UBA2: variants seen among roughly 807,000 people sequenced by gnomAD.
The protein encoded by UBA2 is ubiquitin like modifier activating enzyme 2, also known as SUMO-activating enzyme subunit 2.
In UBA2, 11 loss-of-function variants were observed where a neutral mutation model predicts 77.2. The ratio of observed to expected loss-of-function variants is 0.14; its 90% CI spans 0.09 to 0.24. UBA2 has a LOEUF of 0.24. Among genes scored for constraint, UBA2 ranks in the 10% least tolerant of loss-of-function variants. The pLI, the probability that UBA2 is intolerant of heterozygous loss-of-function variation, is 1.00. For synonymous variants in UBA2, 278 were observed against 276.7 expected (o/e 1.00, Z -0.05); for missense variants, 487 against 781.7 (o/e 0.62, Z 4.50).
At chr19:34,468,817 A>G (rs997823511) in intron 16 of UBA2, among the ~76,000 whole-genome samples, 2 of 152,248 alleles carry the variant, frequency 1.3e-5, no homozygotes, top group African/African-American at 4.8e-5. Flanking sequence ...TTTGAGTTAC[A>G]TAATGCTTGT....
intron 1 of UBA2, among the ~76,000 whole-genome samples, chr19:34,429,794 C>G (rs1312615775): frequency 1.3e-5 from 2 of 151,976 alleles, no homozygotes; most frequent in African/African-American, 2.4e-5. Context: ...TGTGTTTGCA[C>G]CACTGCACTC....
chr19:34,443,165 C>T (rs2075389184), intron 6 of UBA2, among the ~76,000 whole-genome samples: 1 of 152,152 alleles, frequency 6.6e-6, no homozygotes, highest in South Asian at 2.1e-4. Context: ...GACTCTGCAC[C>T]TGAGGTATAT....
intron 8 of UBA2, among the ~76,000 whole-genome samples, chr19:34,448,472 C>T (rs148658442): frequency 1.1e-3 from 163 of 152,078 alleles, no homozygotes; most frequent in African/African-American, 3.7e-3. Context: ...CCTGAGCCTG[C>T]GGTCCCCAGC....
chr19:34,449,019 C>G (rs2075462509), intron 8 of UBA2, among the ~76,000 whole-genome samples: 2 of 150,842 alleles, frequency 1.3e-5, no homozygotes, highest in South Asian at 4.2e-4. Flanking sequence ...TCACATGTTG[C>G]TGTCATAAGG....
chr19:34,439,994 A>G (rs1336398108), intron 6 of UBA2, among the ~76,000 whole-genome samples: 1 of 152,160 alleles, frequency 6.6e-6, no homozygotes, highest in Non-Finnish European at 1.5e-5. Context: ...GGTAGTACAT[A>G]AAAAATTTAA....
In UBA2 at chr19:34,464,064, A is replaced by G. The variant is rs996247766; in HGVS notation, c.1537A>G (p.Asn513Asp). Residue 513 changes from asparagine (N) to aspartate (D), a missense_variant, in exon 15 of 17, where the codon AAT becomes GAT. Transcript: ENST00000246548. The part of the protein sequence containing the change: ...HKKLSEFGIR[N>D]GSRLQADDFL... ...GAAGTTGTCAGAATTTGGAATTAGAAATGGCAGCCGGCTTCAAGCAGATGA... is the reference window on the plus strand; with the variant it reads ...GAAGTTGTCAGAATTTGGAATTAGAGATGGCAGCCGGCTTCAAGCAGATGA... 2 of 1,613,940 alleles carry G rather than the reference A, an allele frequency of 1.2e-6. No individual in the cohort carries two copies. The highest frequency in any genetic ancestry group is 1.7e-5 in the Admixed American group (1 of 60,002).
chr19:34,470,649 T>G lies in UBA2; in HGVS notation c.*1428T>G, dbSNP rs999203959. The G allele has an allele frequency of 6.6e-6, 1 of 152,170 alleles. No individual in the cohort carries two copies. Among genetic ancestry groups the G allele is most frequent in the African/African-American group, 2.4e-5 (1 of 41,382 alleles). The allele number at this position is 152,170 out of a possible 1,614,324, so 9.4% of individuals were successfully genotyped here. ...GCGATTCTCCTGTCTCAGCCTCCCC[T>G]GTAGCTGGGATTACAGGCGCCCTCC... On this transcript the variant is annotated 3_prime_UTR_variant, in exon 17 of 17. Coordinates refer to ENST00000246548, the MANE Select transcript of UBA2 (RefSeq NM_005499.3).
chr19:34,431,579 G>C (rs556854927), intron 2 of UBA2, among the ~76,000 whole-genome samples: 1 of 152,186 alleles, frequency 6.6e-6, no homozygotes, highest in East Asian at 1.9e-4. Flanking sequence ...AATGACACTT[G>C]GTTACTTCAT....
chr19:34,430,460 C>G (rs532901592), intron 1 of UBA2, 116 bp from the exon 2 acceptor site: 6 of 608,480 alleles, frequency 9.9e-6, no homozygotes. Context: ...TCGAAAAACG[C>G]TTTCTCCACT....
Position 34,456,550 on chromosome 19 carries a change from A to G in UBA2, c.1245+1994A>G, listed in dbSNP as rs201971195. Among the ~76,000 whole-genome samples, 5 of 151,884 alleles carry G rather than the reference A, an allele frequency of 3.3e-5. No individual in the cohort carries two copies. In the East Asian group the frequency reaches 7.8e-4, roughly 24 times the overall value. ...TATGTTATATTTTTAATTTCTAAGA[A>G]CTTTATTTTTTGGTATCTTTTTTTT... is the stretch of plus-strand genomic sequence containing the variant. On this transcript the variant is annotated intron_variant, in intron 12 of 16. Transcript: ENST00000246548.
At chr19:34,468,995 C>G (rs1408184328) in intron 16 of UBA2, 45 bp from the exon 17 acceptor site, 2 of 1,525,832 alleles carry the variant, frequency 1.3e-6, no homozygotes, top group South Asian at 1.3e-5. Flanking sequence ...ACAGGTAACT[C>G]CCACGCTTTT....
At chr19:34,436,432 T>C (rs1310547526) in intron 5 of UBA2, among the ~76,000 whole-genome samples, 1 of 152,088 alleles carries the variant, frequency 6.6e-6, no homozygotes, top group Non-Finnish European at 1.5e-5. Flanking sequence ...CCCGAGTAGC[T>C]GGGATTACAG....
chr19:34,457,179 A>AATATATATATATATATAT (rs766043321), intron 12 of UBA2, among the ~76,000 whole-genome samples: 4 of 53,218 alleles, frequency 7.5e-5, no homozygotes, highest in African/African-American at 1.2e-4. Context: ...AAAAAAAAAA[A>AATATATATATATATATAT]ATATATATAT....
In UBA2 at chr19:34,450,346, G is replaced by A; in HGVS notation, c.853G>A (p.Ala285Thr). Residue 285 changes from alanine (A) to threonine (T), a missense_variant, in exon 9 of 17, where the codon GCT becomes ACT. Ala to Thr is a moderately conservative substitution (Grantham distance 58). This residue lies in a region of UBA2 where 300 missense variants were observed against 454.3 expected (regional missense o/e 0.66). Coordinates refer to ENST00000246548, the MANE Select transcript of UBA2 (RefSeq NM_005499.3). The stretch of plus-strand genomic sequence containing the variant: ...GAAACCTCCAGTTCCGTTGGACTGG[G>A]CTGAAGTACAAAGTCAAGGTAAAGA... ...KRKPPVPLDW[A>T]EVQSQGEETN... The A allele has an allele frequency of 6.2e-7, 1 of 1,604,094 alleles. No individual in the cohort carries two copies. Among genetic ancestry groups the A allele is most frequent in the South Asian group, 1.1e-5 (1 of 88,936 alleles).
At chr19:34,428,720 GC>G (rs976889228) in intron 1 of UBA2, 150 bp downstream of exon 1, 206 of 1,141,274 alleles carry the variant, frequency 1.8e-4, no homozygotes, top group East Asian at 1.3e-3. Context: ...CTCGGGTTGT[GC>G]CCCCCCCGCG....
rs766043321 is a variant in UBA2 at position 34,457,179 on chromosome 19, A to AATAT, written c.1246-1558_1246-1555dup. ...CCTGGTCTCTACTAAAAAAAAAAAA[A>AATAT]ATATATATATATATATATATATATA... On this transcript the variant is annotated intron_variant, in intron 12 of 16. Transcript: ENST00000246548. 3.0e-3 allele frequency among the ~76,000 whole-genome samples: 158 copies of AATAT among 53,214 alleles called. 6 individuals are homozygous for AATAT. The highest frequency in any genetic ancestry group is 0.011 in the African/African-American group (92 of 8,518). 34.9% of individuals were successfully genotyped at this position (53,214 alleles called of 152,430 possible). A position where few individuals can be genotyped will look rare whatever the true frequency, so the allele number is the denominator to read the frequency against.
intron 4 of UBA2, 98 bp from the exon 5 acceptor site, chr19:34,434,770 A>C (rs951372502): frequency 2.3e-6 from 2 of 884,890 alleles, no homozygotes; most frequent in Non-Finnish European, 1.8e-6. Context: ...TTGTACAAAA[A>C]ATGAAGCCAG....
At chr19:34,450,569 C>T (rs1599914960) in intron 9 of UBA2, among the ~76,000 whole-genome samples, 1 of 152,008 alleles carries the variant, frequency 6.6e-6, no homozygotes, top group South Asian at 2.1e-4. Context: ...GTGGTCCGCC[C>T]TATGTACACA....
intron 7 of UBA2, among the ~76,000 whole-genome samples, chr19:34,444,198 C>T (rs2075403254): frequency 6.6e-6 from 1 of 151,556 alleles, no homozygotes; most frequent in African/African-American, 2.4e-5. Flanking sequence ...GCTGGGATTA[C>T]AGGCACCTGC....
Sources: gnomAD v4.1 joint callset for allele counts (sites outside exome capture counted in the v4.1 genomes callset) on GRCh38, gnomAD v4.1.1 for gene constraint, gnomAD v4.1.1 regional missense constraint, MANE v1.5 for transcripts, NCBI Gene and HGNC (gene_info 2026-07-23, HGNC 2026-07-21) for gene names.